TMEM82: variants seen among roughly 807,000 people sequenced by gnomAD.
TMEM82 encodes the protein transmembrane protein 82.
In TMEM82, 30 loss-of-function variants were observed where a neutral mutation model predicts 29.2. That is an observed-to-expected ratio of 1.03 (90% CI 0.77 to 1.39). The LOEUF (loss-of-function observed/expected upper bound fraction) is 1.39. TMEM82 is among the 40% of genes most tolerant of loss of function. The pLI, the probability that TMEM82 is intolerant of heterozygous loss-of-function variation, is 0.00. For synonymous variants in TMEM82, 221 were observed against 225.4 expected (o/e 0.98, Z 0.18); for missense variants, 442 against 447.7 (o/e 0.99, Z 0.12).
At chr1:15,746,837 C>G in intron 4 of TMEM82, 30 bp from the exon 5 acceptor site, 1 of 1,531,846 alleles carries the variant, frequency 6.5e-7, no homozygotes, top group South Asian at 1.2e-5. Flanking sequence ...GGTGTGTGGT[C>G]GGACGGTGAC....
chr1:15,742,842 C>A lies in TMEM82; in HGVS notation c.96C>A (p.Ile32=). ...SLLDSLLQGL[I]GALGVLVLNS... is the part of the protein sequence containing the mutation. ...TCCCTCCCGCCCCCTCAGGCCTGAT[C>A]GGGGCCCTTGGAGTCTTGGTCCTGA... Residue 32 remains isoleucine (I), a synonymous_variant, in exon 2 of 6, where the codon ATC becomes ATA. Coordinates refer to ENST00000375782, the MANE Select transcript of TMEM82 (RefSeq NM_001013641.3). The A allele has an allele frequency of 1.2e-6, 2 of 1,612,634 alleles. No homozygotes were observed. The highest frequency in any genetic ancestry group is 1.7e-5 in the Admixed American group (1 of 60,006).
chr1:15,746,100 C>T (rs1249755324), intron 4 of TMEM82, among the ~76,000 whole-genome samples: 4 of 146,306 alleles, frequency 2.7e-5, no homozygotes, highest in Non-Finnish European at 4.5e-5. Context: ...AGAGTGATCT[C>T]GGCTCACTGC....
Position 15,747,795 on chromosome 1 carries a change from A to G in TMEM82, c.*163A>G. ...CGAGAAGGGAAGGCAGGATTTGGGG[A>G]TGGGAGCCTCTGGAGAGGGGACACC... On this transcript the variant is annotated 3_prime_UTR_variant, in exon 6 of 6. Coordinates refer to ENST00000375782, the MANE Select transcript of TMEM82 (RefSeq NM_001013641.3). 1.7e-6 allele frequency: 1 copy of G among 597,406 alleles called. No individual in the cohort carries two copies. 37.0% of individuals were successfully genotyped at this position (597,406 alleles called of 1,614,324 possible).
At chr1:15,746,567 G>A (rs188123427) in intron 4 of TMEM82, among the ~76,000 whole-genome samples, 1 of 152,210 alleles carries the variant, frequency 6.6e-6, no homozygotes, top group East Asian at 1.9e-4. Context: ...GCTAACTGAG[G>A]GACTAGAGGC....
chr1:15,744,684 G>A lies in TMEM82; in HGVS notation c.757+104G>A. ...ATCAGCCCTCACTCTTGCCATCCCA[G>A]AGAGCCTGGTCAGGACAGAGGCTGT... On this transcript the variant is annotated intron_variant, in intron 4 of 5. Transcript: ENST00000375782. The surrounding 1 kb of genome is among the most constrained non-coding windows in gnomAD (Gnocchi z 5.2). 1 of 1,364,704 alleles carries A rather than the reference G, an allele frequency of 7.3e-7. No individual in the cohort carries two copies. Among genetic ancestry groups the A allele is most frequent in the Non-Finnish European group, 9.8e-7 (1 of 1,017,246 alleles). 84.5% of individuals were successfully genotyped at this position (1,364,704 alleles called of 1,614,324 possible). A position where few individuals can be genotyped will look rare whatever the true frequency, so the allele number is the denominator to read the frequency against.
chr1:15,743,524 T>C (rs1332821118), intron 3 of TMEM82, among the ~76,000 whole-genome samples: 7 of 152,222 alleles, frequency 4.6e-5, no homozygotes, highest in Non-Finnish European at 7.3e-5. Flanking sequence ...TGATTCCCCA[T>C]TTCACAGATG....
rs903675958 is a variant in TMEM82, at chr1:15,743,086, C to A, written c.228C>A (p.His76Gln). ...RAQWASLETV[H>Q]LAGLALFLTV... Reference sequence around the variant, plus strand: ...AGTGGGCCTCCCTGGAAACGGTGCACCTGGCAGGGCTGGCCCTGTTTCTGA... The same window carrying A: ...AGTGGGCCTCCCTGGAAACGGTGCAACTGGCAGGGCTGGCCCTGTTTCTGA... Residue 76 changes from histidine (H) to glutamine (Q), a missense_variant, in exon 3 of 6, where the codon CAC (histidine) becomes CAA (glutamine). By Grantham distance (24) the His-to-Gln change is conservative (BLOSUM62 0). Coordinates refer to ENST00000375782, the MANE Select transcript of TMEM82 (RefSeq NM_001013641.3). 6.2e-7 allele frequency: 1 copy of A among 1,610,702 alleles called. No homozygotes were observed. Among genetic ancestry groups the A allele is most frequent in the Non-Finnish European group, 8.5e-7 (1 of 1,179,018 alleles).
Position 15,746,952 on chromosome 1 carries a change from T to C in TMEM82, c.843T>C (p.Thr281=), listed in dbSNP as rs749908215. 1 of 1,611,048 alleles carries C rather than the reference T, an allele frequency of 6.2e-7. No homozygotes were observed. Among genetic ancestry groups the C allele is most frequent in the South Asian group, 1.1e-5 (1 of 91,066 alleles). Residue 281 remains threonine, a synonymous_variant, in exon 5 of 6, where the codon ACT becomes ACC. Transcript: ENST00000375782. The part of the protein sequence containing the change: ...RMGGLFVLLL[T]VGRWLDLLGI... ...GCGGCCTCTTCGTGCTGCTGCTGAC[T>C]GTGGGTCGCTGGCTGGACCTGCTGG... is the stretch of plus-strand genomic sequence containing the variant.
At chr1:15,747,179 A>G in intron 5 of TMEM82, 125 bp downstream of exon 5, 3 of 1,031,882 alleles carry the variant, frequency 2.9e-6, no homozygotes, top group Non-Finnish European at 4.2e-6. Context: ...GTAATCCCAA[A>G]TACTCAGGAG....
chr1:15,743,680 G>A (rs1166582432), intron 3 of TMEM82, among the ~76,000 whole-genome samples: 2 of 152,146 alleles, frequency 1.3e-5, no homozygotes, highest in South Asian at 2.1e-4. Context: ...AAGGCTGGGC[G>A]TGGTGGCTCA....
rs542240496 is a variant in TMEM82, at chr1:15,746,721, C to T, written c.758-146C>T. The T allele has an allele frequency of 7.9e-4, 536 of 681,370 alleles. 1 individual carries two copies. The highest frequency in any genetic ancestry group is 1.2e-3 in the Non-Finnish European group (482 of 406,444). The allele number at this position is 681,370 out of a possible 1,614,324, so 42.2% of individuals were successfully genotyped here. ...GAGCACCTGGTGCCCTGCAGATACT[C>T]GGAGCAGGGATGGGGACCAGGAGGA... On this transcript the variant is annotated intron_variant, in intron 4 of 5. Coordinates refer to ENST00000375782, the MANE Select transcript of TMEM82 (RefSeq NM_001013641.3).
chr1:15,744,104 A>G lies in TMEM82; in HGVS notation c.337-56A>G. ...CAGGCTCCGGCTTCCTGTGGTGGGC[A>G]GCACCTGTGGTGAGGCAGCCCCCAC... is the stretch of plus-strand genomic sequence containing the variant. On this transcript the variant is annotated intron_variant, in intron 3 of 5. Transcript: ENST00000375782. The surrounding 1 kb of genome is among the most constrained non-coding windows in gnomAD (Gnocchi z 5.2). The G allele has an allele frequency of 7.0e-7, 1 of 1,434,288 alleles. No homozygotes were observed. The highest frequency in any genetic ancestry group is 9.1e-7 in the Non-Finnish European group (1 of 1,092,974). The allele number at this position is 1,434,288 out of a possible 1,614,324, so 88.8% of individuals were successfully genotyped here. A position where few individuals can be genotyped will look rare whatever the true frequency, so the allele number is the denominator to read the frequency against.
In TMEM82 at chr1:15,747,827, C is replaced by A. The variant is rs1449225173; in HGVS notation, c.*195C>A. The A allele has an allele frequency of 1.0e-5, 5 of 493,730 alleles. No individual in the cohort carries two copies. Among genetic ancestry groups the A allele is most frequent in the African/African-American group, 4.0e-5 (2 of 50,504 alleles). The allele number at this position is 493,730 out of a possible 1,614,324, so 30.6% of individuals were successfully genotyped here. A position where few individuals can be genotyped will look rare whatever the true frequency, so the allele number is the denominator to read the frequency against. On this transcript the variant is annotated 3_prime_UTR_variant, in exon 6 of 6. Transcript: ENST00000375782. ...CCTCTGGAGAGGGGACACCTGGGGA[C>A]CCCTGGTTGAACCCTCTTTTTCTTG... is the stretch of plus-strand genomic sequence containing the variant.
rs1320754131 is a variant in TMEM82 at position 15,744,546 on chromosome 1, C to T, written c.723C>T (p.Thr241=). ...SEAMRFWTPL[T]ICYTLLVIYM... is the part of the protein sequence containing the mutation. ...CCATGCGGTTCTGGACACCGCTCAC[C>T]ATCTGCTACACGCTGCTGGTCATCT... The change falls in exon 4 of 6, where the codon ACC becomes ACT. Residue 241 remains threonine, a synonymous_variant. Transcript: ENST00000375782. This position sits in a 1 kb window ranked among gnomAD's most constrained non-coding sequence, Gnocchi z 5.2. 1.2e-6 allele frequency: 2 copies of T among 1,612,024 alleles called. No individual in the cohort carries two copies. Among genetic ancestry groups the T allele is most frequent in the East Asian group, 4.5e-5 (2 of 44,862 alleles).
In TMEM82 at chr1:15,744,244, T is replaced by G; in HGVS notation, c.421T>G (p.Phe141Val). ...LGCGLTCGLS[F>V]LQEGAPHRTL... ...CTGCGGGCTGACCTGTGGCCTGAGC[T>G]TCCTGCAGGAGGGCGCCCCTCACCG... The change falls in exon 4 of 6, where the codon TTC (phenylalanine) becomes GTC (valine). Residue 141 changes from phenylalanine to valine, a missense_variant. Physicochemically the swap from Phe to Val is conservative, Grantham distance 50. Coordinates refer to ENST00000375782, the MANE Select transcript of TMEM82 (RefSeq NM_001013641.3). This position sits in a 1 kb window ranked among gnomAD's most constrained non-coding sequence, Gnocchi z 5.2. The G allele has an allele frequency of 6.3e-7, 1 of 1,584,216 alleles. No individual in the cohort carries two copies. Among genetic ancestry groups the G allele is most frequent in the South Asian group, 1.1e-5 (1 of 87,670 alleles).
chr1:15,746,115 T>G (rs2068333273), intron 4 of TMEM82, among the ~76,000 whole-genome samples: 1 of 139,470 alleles, frequency 7.2e-6, no homozygotes, highest in Non-Finnish European at 1.6e-5. Context: ...CACTGCAACC[T>G]CCAACTCCTG....
intron 4 of TMEM82, among the ~76,000 whole-genome samples, chr1:15,745,903 A>AC (rs201268414): frequency 0.016 from 2,461 of 151,198 alleles, 80 homozygotes; most frequent in African/African-American, 0.057. Flanking sequence ...AAAAAAAAAA[A>AC]AAAAAAAGAA....
Position 15,742,527 on chromosome 1 carries a change from T to C in TMEM82, c.-33T>C, listed in dbSNP as rs770886545. 1.3e-6 allele frequency: 2 copies of C among 1,537,952 alleles called. No homozygotes were observed. Among genetic ancestry groups the C allele is most frequent in the African/African-American group, 2.7e-5 (2 of 72,876 alleles). On this transcript the variant is annotated 5_prime_UTR_variant, in exon 1 of 6. Coordinates refer to ENST00000375782, the MANE Select transcript of TMEM82 (RefSeq NM_001013641.3). Reference sequence around the variant, plus strand: ...ACGTTGGTCTGTCCTTACGCAGACCTGGCCGGAGGCTGGGGCTCCTTCCGG... The same window carrying C: ...ACGTTGGTCTGTCCTTACGCAGACCCGGCCGGAGGCTGGGGCTCCTTCCGG...
In TMEM82 at chr1:15,747,677, T is replaced by A; in HGVS notation, c.*45T>A. 1.3e-6 allele frequency: 2 copies of A among 1,555,860 alleles called. No individual in the cohort carries two copies. Among genetic ancestry groups the A allele is most frequent in the East Asian group, 4.5e-5 (2 of 44,032 alleles). On this transcript the variant is annotated 3_prime_UTR_variant, in exon 6 of 6. Transcript: ENST00000375782. ...GGAGTCTGTCTCAAGCCCACTAGCCTGATCTCCGAGGCCTTGACCCCAGGG... is the reference window on the plus strand; with the variant it reads ...GGAGTCTGTCTCAAGCCCACTAGCCAGATCTCCGAGGCCTTGACCCCAGGG...
Sources: gnomAD v4.1 joint callset for allele counts (sites outside exome capture counted in the v4.1 genomes callset) on GRCh38, gnomAD v4.1.1 for gene constraint, Gnocchi (gnomAD v3.1) non-coding constraint, MANE v1.5 for transcripts, NCBI Gene and HGNC (gene_info 2026-07-23, HGNC 2026-07-21) for gene names.